The following PKN2 variants were observed in gnomAD, a reference collection of about 807,000 sequenced individuals.
PKN2 encodes the protein serine/threonine-protein kinase N2.
PKN2 carries 38 observed loss-of-function variants against 119.1 expected under a neutral mutation model. The ratio of observed to expected loss-of-function variants is 0.32; its 90% CI spans 0.25 to 0.42. The LOEUF (loss-of-function observed/expected upper bound fraction) is 0.42, where lower values mean the gene tolerates loss of function less well. Among genes scored for constraint, PKN2 ranks in the 10% least tolerant of loss-of-function variants. The pLI is 1.00. For synonymous variants in PKN2, 390 were observed against 384.9 expected (o/e 1.01, Z -0.15); for missense variants, 850 against 1,165.1 (o/e 0.73, Z 3.94).
chr1:88,815,841 T>C (rs1671965295), intron 16 of PKN2, among the ~76,000 whole-genome samples: 1 of 152,206 alleles, frequency 6.6e-6, no homozygotes, highest in Admixed American at 6.5e-5. Flanking sequence ...GCAGTCTGTT[T>C]ACAAAGAAAG....
intron 1 of PKN2, among the ~76,000 whole-genome samples, chr1:88,699,980 A>T (rs897419869): frequency 6.6e-6 from 1 of 151,868 alleles, no homozygotes; most frequent in South Asian, 2.1e-4. Flanking sequence ...ACAGGGTTTC[A>T]CTGTTTTGGC....
intron 2 of PKN2, 94 bp from the exon 3 acceptor site, chr1:88,760,128 G>C (rs1669382134): frequency 1.5e-6 from 1 of 684,930 alleles, no homozygotes; most frequent in South Asian, 1.7e-5. Context: ...TCATCTCAAA[G>C]TTTGAAAAAT....
At chr1:88,826,098 T>G (rs1401184210) in intron 18 of PKN2, among the ~76,000 whole-genome samples, 1 of 152,200 alleles carries the variant, frequency 6.6e-6, no homozygotes, top group Non-Finnish European at 1.5e-5. Context: ...CTACCTTATC[T>G]TGCTCTTCCC....
rs901589636 is a variant in PKN2 at position 88,742,559 on chromosome 1, G to A, written c.349+1271G>A. Among the ~76,000 whole-genome samples, 35 of 151,996 alleles carry A rather than the reference G, an allele frequency of 2.3e-4. 1 individual carries two copies. The highest frequency in any genetic ancestry group is 3.4e-3 in the Middle Eastern group (1 of 294). On this transcript the variant is annotated intron_variant, in intron 2 of 21. Coordinates refer to ENST00000370521, the MANE Select transcript of PKN2 (RefSeq NM_006256.4). Reference sequence around the variant, plus strand: ...TAGTTTTTTCAGAATCACCAATCTAGTTAAAAAGAACGCTTCAGCTCTTCA... The same window carrying A: ...TAGTTTTTTCAGAATCACCAATCTAATTAAAAAGAACGCTTCAGCTCTTCA...
chr1:88,728,009 C>T (rs77711934), intron 1 of PKN2, among the ~76,000 whole-genome samples: 1,588 of 122,712 alleles, frequency 0.013, 17 homozygotes, highest in Non-Finnish European at 0.018. Flanking sequence ...GCAGGTTTTT[C>T]TTGGGGCTTT....
intron 8 of PKN2, among the ~76,000 whole-genome samples, chr1:88,788,515 G>A (rs528796349): frequency 1.3e-5 from 2 of 151,418 alleles, no homozygotes; most frequent in African/African-American, 2.4e-5. Context: ...GCACAATCTC[G>A]GCTCATCGCA....
chr1:88,771,964 A>G, intron 6 of PKN2, 85 bp downstream of exon 6: 1 of 835,054 alleles, frequency 1.2e-6, no homozygotes, highest in Non-Finnish European at 1.9e-6. Flanking sequence ...AAACCTGTGC[A>G]TAGATTTTTA....
chr1:88,815,536 C>G (rs538641594), intron 16 of PKN2: 1 of 241,322 alleles, frequency 4.1e-6, no homozygotes, highest in African/African-American at 2.4e-5. Context: ...AGAACCATAT[C>G]TGTCCTGTTT....
chr1:88,744,507 G>T (rs552384778), intron 2 of PKN2, among the ~76,000 whole-genome samples: 1 of 152,116 alleles, frequency 6.6e-6, no homozygotes, highest in Non-Finnish European at 1.5e-5. Flanking sequence ...TGCAACCTCC[G>T]CCTGCCGGGT....
rs1672816743 is a variant in PKN2, at chr1:88,833,499, A to T, written c.*51A>T. On this transcript the variant is annotated 3_prime_UTR_variant, in exon 22 of 22. Transcript: ENST00000370521. ...TGACTCACAAGAAGACCTCTTAAAA[A>T]TAGCAACCCTTCATTTGCTCTCTGT... 2.1e-6 allele frequency: 3 copies of T among 1,418,040 alleles called. No homozygotes were observed. The allele number at this position is 1,418,040 out of a possible 1,614,324, so 87.8% of individuals were successfully genotyped here.
At chr1:88,761,612 TAAAAAAAAAA>T (rs368283566) in intron 3 of PKN2, among the ~76,000 whole-genome samples, 1 of 102,020 alleles carries the variant, frequency 9.8e-6, no homozygotes, top group South Asian at 3.2e-4. Context: ...CCTGTCTCTT[TAAAAAAAAAA>T]AAAAAAAAAA....
chr1:88,721,309 TG>T (rs1401126151), intron 1 of PKN2, among the ~76,000 whole-genome samples: 1 of 152,182 alleles, frequency 6.6e-6, no homozygotes, highest in Non-Finnish European at 1.5e-5. Flanking sequence ...TTTAAAATTA[TG>T]GCCATTCTTG....
chr1:88,708,362 TATAAG>T (rs1345776175), intron 1 of PKN2, among the ~76,000 whole-genome samples: 1 of 152,144 alleles, frequency 6.6e-6, no homozygotes, highest in Admixed American at 6.5e-5. Flanking sequence ...AGTAGTAAAG[TATAAG>T]ATATTTCAAA....
At chr1:88,690,954 C>T (rs533358958) in intron 1 of PKN2, among the ~76,000 whole-genome samples, 1 of 152,142 alleles carries the variant, frequency 6.6e-6, no homozygotes, top group Non-Finnish European at 1.5e-5. Flanking sequence ...TGCCCTGGCT[C>T]ATAAGTACCT....
At chr1:88,735,355 A>G (rs1211761742) in intron 1 of PKN2, among the ~76,000 whole-genome samples, 4 of 152,074 alleles carry the variant, frequency 2.6e-5, no homozygotes, top group Middle Eastern at 6.8e-3. Context: ...AGTAGAGTCA[A>G]AGTCTTGGTA....
intron 3 of PKN2, among the ~76,000 whole-genome samples, chr1:88,761,313 TA>T (rs1484539184): frequency 1.9e-4 from 29 of 152,114 alleles, no homozygotes; most frequent in African/African-American, 5.6e-4. Flanking sequence ...TCATGTATTT[TA>T]AATATTTTTA....
intron 4 of PKN2, among the ~76,000 whole-genome samples, chr1:88,771,207 A>T (rs1669882292): frequency 6.6e-6 from 1 of 152,270 alleles, no homozygotes; most frequent in African/African-American, 2.4e-5. Context: ...CAGCTCTAAA[A>T]TCTTTTTTTC....
intron 1 of PKN2, among the ~76,000 whole-genome samples, chr1:88,697,023 G>GA (rs1366265612): frequency 6.6e-6 from 1 of 151,840 alleles, no homozygotes; most frequent in Non-Finnish European, 1.5e-5. Context: ...ATTCTGATAA[G>GA]AAAATCATAT....
In PKN2 at chr1:88,770,389, A is replaced by G. The variant is rs767932381; in HGVS notation, c.542A>G (p.Gln181Arg). The G allele has an allele frequency of 3.7e-6, 6 of 1,613,196 alleles. No homozygotes were observed. Among genetic ancestry groups the G allele is most frequent in the Non-Finnish European group, 5.1e-6 (6 of 1,179,280 alleles). ...CATGGTACAGCTCAGCAACTGCTCC[A>G]GGACAGCAAGACAAAAATAGAAGTC... ...KLHGTAQQLL[Q>R]DSKTKIEVIR... Residue 181 changes from glutamine to arginine, a missense_variant, in exon 4 of 22, where the codon CAG becomes CGG. Transcript: ENST00000370521.
Sources: gnomAD v4.1 joint callset for allele counts (sites outside exome capture counted in the v4.1 genomes callset) on GRCh38, gnomAD v4.1.1 for gene constraint, MANE v1.5 for transcripts, NCBI Gene and HGNC (gene_info 2026-07-23, HGNC 2026-07-21) for gene names.